ROBO1: variants seen among roughly 807,000 people sequenced by gnomAD.
ROBO1 encodes roundabout guidance receptor 1.
A neutral mutation model predicts 195.9 loss-of-function variants in ROBO1; 149 were observed. The ratio of observed to expected loss-of-function variants is 0.76; its 90% CI spans 0.67 to 0.87. The LOEUF (loss-of-function observed/expected upper bound fraction) is 0.87. Ranked by LOEUF, ROBO1 falls within the 40% of genes least tolerant of loss-of-function variation. ROBO1 has a pLI of 0.00. For synonymous variants in ROBO1, 816 were observed against 733.2 expected, an observed-to-expected ratio of 1.11 and a Z score of -1.82; for missense variants, 1,933 against 2,068.3, an observed-to-expected ratio of 0.93 and a Z score of 1.27.
chr3:79,235,348 A>G (rs2082388603), intron 2 of ROBO1, among the ~76,000 whole-genome samples: 1 of 152,126 alleles, frequency 6.6e-6, no homozygotes, highest in Non-Finnish European at 1.5e-5. Context: ...GAATTAAGGC[A>G]AAGTATTTTC....
chr3:78,945,595 T>C (rs2040390383), intron 3 of ROBO1, among the ~76,000 whole-genome samples: 1 of 151,834 alleles, frequency 6.6e-6, no homozygotes, highest in Non-Finnish European at 1.5e-5. Context: ...AACTGGAAAC[T>C]CTAAAAATCA....
At chr3:79,175,554 C>T (rs1253246997) in intron 2 of ROBO1, among the ~76,000 whole-genome samples, 1 of 152,216 alleles carries the variant, frequency 6.6e-6, no homozygotes, top group African/African-American at 2.4e-5. Flanking sequence ...ATCTAGGCCA[C>T]ATTGTCCACA....
intron 2 of ROBO1, among the ~76,000 whole-genome samples, chr3:79,300,396 A>C (rs1239779331): frequency 6.6e-6 from 1 of 152,184 alleles, no homozygotes; most frequent in Non-Finnish European, 1.5e-5. Flanking sequence ...TGGGTCCCCC[A>C]GCAGTGCCGG....
intron 1 of ROBO1, among the ~76,000 whole-genome samples, chr3:79,662,144 AT>A (rs920312071): frequency 2.6e-5 from 4 of 152,068 alleles, no homozygotes; most frequent in Admixed American, 6.6e-5. Context: ...TACAGATGTG[AT>A]TTAAATTCTC....
At chr3:79,485,415 A>T (rs574386437) in intron 2 of ROBO1, among the ~76,000 whole-genome samples, 1 of 152,280 alleles carries the variant, frequency 6.6e-6, no homozygotes, top group African/African-American at 2.4e-5. Context: ...AAGTAATGAC[A>T]TTATTACAAA....
chr3:78,791,558 A>G (rs1307992269), intron 4 of ROBO1, among the ~76,000 whole-genome samples: 2 of 152,122 alleles, frequency 1.3e-5, no homozygotes, highest in African/African-American at 2.4e-5. Context: ...ATACCCTCTG[A>G]TTATGCATTC....
chr3:78,600,028 C>T (rs546779320), intron 30 of ROBO1, 85 bp downstream of exon 30: 4 of 1,106,088 alleles, frequency 3.6e-6, no homozygotes, highest in East Asian at 2.4e-5. Context: ...AAAACAGTAA[C>T]ATTTCTGTAC....
intron 3 of ROBO1, among the ~76,000 whole-genome samples, chr3:78,945,967 GA>G (rs1197763530): frequency 0.02 from 2,827 of 140,758 alleles, 89 homozygotes; most frequent in African/African-American, 0.063. Flanking sequence ...GAAGTTTAGA[GA>G]AAAAAAAAAA....
intron 3 of ROBO1, among the ~76,000 whole-genome samples, chr3:79,049,497 T>C (rs571054444): frequency 2.0e-5 from 3 of 152,196 alleles, no homozygotes; most frequent in African/African-American, 7.2e-5. Flanking sequence ...CAGGAGGACT[T>C]CCCCAACCTA....
At chr3:78,883,811 GT>G (rs1436923090) in intron 4 of ROBO1, among the ~76,000 whole-genome samples, 2 of 152,112 alleles carry the variant, frequency 1.3e-5, no homozygotes, top group Non-Finnish European at 2.9e-5. Context: ...GACATCTAAA[GT>G]TTTTGAGATT....
chr3:78,785,368 T>C (rs1341180213), intron 4 of ROBO1, among the ~76,000 whole-genome samples: 3 of 152,210 alleles, frequency 2.0e-5, no homozygotes, highest in African/African-American at 7.2e-5. Flanking sequence ...ACAGTCTCTC[T>C]TTGTCAGGCT....
At chr3:79,312,758 T>C (rs544162269) in intron 2 of ROBO1, among the ~76,000 whole-genome samples, 1 of 152,290 alleles carries the variant, frequency 6.6e-6, no homozygotes, top group African/African-American at 2.4e-5. Flanking sequence ...CATTCATTCA[T>C]TCATTTATAC....
At chr3:79,755,745 C>A (rs539002502) in intron 1 of ROBO1, among the ~76,000 whole-genome samples, 1 of 152,318 alleles carries the variant, frequency 6.6e-6, no homozygotes, top group South Asian at 2.1e-4. Flanking sequence ...CTACAAGAAC[C>A]TTCCTTGTAC....
intron 2 of ROBO1, among the ~76,000 whole-genome samples, chr3:79,471,928 C>T (rs1039130848): frequency 1.3e-5 from 2 of 151,104 alleles, no homozygotes; most frequent in Non-Finnish European, 2.9e-5. Flanking sequence ...CACACTGGGG[C>T]CTGTTGGGGG....
At chr3:79,292,942 G>A (rs1319125907) in intron 2 of ROBO1, among the ~76,000 whole-genome samples, 1 of 152,144 alleles carries the variant, frequency 6.6e-6, no homozygotes, top group East Asian at 1.9e-4. Flanking sequence ...AATAGTTTCA[G>A]AAAGAATGGT....
chr3:78,865,223 A>C (rs527794623), intron 4 of ROBO1, among the ~76,000 whole-genome samples: 6 of 152,326 alleles, frequency 3.9e-5, no homozygotes, highest in Non-Finnish European at 7.4e-5. Context: ...CTGGAACAAA[A>C]TGTATAATCA....
At chr3:79,745,868 C>A (rs1703853506) in intron 1 of ROBO1, among the ~76,000 whole-genome samples, 1 of 151,872 alleles carries the variant, frequency 6.6e-6, no homozygotes, top group East Asian at 1.9e-4. Context: ...TGGCTTTTTA[C>A]CCCTTAAAAA....
chr3:79,703,467 T>A (rs1470467148), intron 1 of ROBO1, among the ~76,000 whole-genome samples: 1 of 151,802 alleles, frequency 6.6e-6, no homozygotes, highest in East Asian at 1.9e-4. Context: ...TTAGTAATTA[T>A]CTACATTTTG....
chr3:79,632,021 G>T (rs978384441), intron 1 of ROBO1, among the ~76,000 whole-genome samples: 2 of 151,944 alleles, frequency 1.3e-5, no homozygotes, highest in African/African-American at 4.8e-5. Context: ...TTGCTTATAT[G>T]CTGTTGGTAG....
Sources: gnomAD v4.1 joint callset for allele counts (sites outside exome capture counted in the v4.1 genomes callset) on GRCh38, gnomAD v4.1.1 for gene constraint, MANE v1.5 for transcripts, NCBI Gene and HGNC (gene_info 2026-07-23, HGNC 2026-07-21) for gene names.